The following LHFPL6 variants were observed in gnomAD, a reference collection of about 807,000 sequenced individuals.
The protein encoded by LHFPL6 is LHFPL tetraspan subfamily member 6.
A neutral mutation model predicts 20.6 loss-of-function variants in LHFPL6; 9 were observed. The ratio of observed to expected loss-of-function variants is 0.44; its 90% CI spans 0.26 to 0.76. The LOEUF (loss-of-function observed/expected upper bound fraction) is 0.76, where lower values mean the gene tolerates loss of function less well. Ranked by LOEUF, LHFPL6 falls within the 30% of genes least tolerant of loss-of-function variation. The pLI is 0.20. For synonymous variants in LHFPL6, 105 were observed against 98.7 expected (o/e 1.06, Z -0.38); for missense variants, 218 against 253.5 (o/e 0.86, Z 0.95).
chr13:39,595,068 G>A (rs1203995803), intron 2 of LHFPL6, among the ~76,000 whole-genome samples: 1 of 151,738 alleles, frequency 6.6e-6, no homozygotes, highest in African/African-American at 2.4e-5. Flanking sequence ...GTATACATAG[G>A]TAACAAACCT....
chr13:39,515,981 C>A (rs1174950402), intron 2 of LHFPL6, among the ~76,000 whole-genome samples: 1 of 152,142 alleles, frequency 6.6e-6, no homozygotes, highest in Non-Finnish European at 1.5e-5. Context: ...TCTCTTTATT[C>A]ATGGTACTCA....
At chr13:39,356,385 C>A (rs191032131) in intron 3 of LHFPL6, among the ~76,000 whole-genome samples, 2 of 152,130 alleles carry the variant, frequency 1.3e-5, no homozygotes, top group Non-Finnish European at 2.9e-5. Context: ...GTTGAGAGGA[C>A]ACTTTATAAC....
chr13:39,490,011 A>G (rs1054275383), intron 2 of LHFPL6, among the ~76,000 whole-genome samples: 1 of 152,208 alleles, frequency 6.6e-6, no homozygotes, highest in Non-Finnish European at 1.5e-5. Context: ...GCAAGCACCA[A>G]TTCAAATCAA....
intron 2 of LHFPL6, among the ~76,000 whole-genome samples, chr13:39,542,072 CAGAT>C (rs1011294551): frequency 4.1e-4 from 61 of 148,194 alleles, no homozygotes; most frequent in African/African-American, 1.5e-3. Context: ...GCCTGGGCAA[CAGAT>C]AGAGACTCTA....
At chr13:39,513,056 A>G (rs552193136) in intron 2 of LHFPL6, among the ~76,000 whole-genome samples, 4 of 152,314 alleles carry the variant, frequency 2.6e-5, no homozygotes, top group South Asian at 2.1e-4. Flanking sequence ...CCCAACTCCC[A>G]TTTCCTGTCC....
chr13:39,432,612 A>G (rs1403566196), intron 2 of LHFPL6, among the ~76,000 whole-genome samples: 1 of 152,068 alleles, frequency 6.6e-6, no homozygotes, highest in Non-Finnish European at 1.5e-5. Flanking sequence ...CCTCCATCCC[A>G]GGCAGTTCTT....
At chr13:39,535,471 C>T (rs1381376054) in intron 2 of LHFPL6, among the ~76,000 whole-genome samples, 2 of 152,100 alleles carry the variant, frequency 1.3e-5, no homozygotes, top group South Asian at 2.1e-4. Flanking sequence ...AGATTAATGG[C>T]TGGCATTGTA....
chr13:39,389,258 G>A (rs2138369065), intron 2 of LHFPL6, among the ~76,000 whole-genome samples: 1 of 152,290 alleles, frequency 6.6e-6, no homozygotes, highest in Admixed American at 6.5e-5. Context: ...GACTGGGTGG[G>A]GAACTAGTGG....
At chr13:39,599,305 T>C (rs74044113) in intron 2 of LHFPL6, among the ~76,000 whole-genome samples, 8,031 of 152,338 alleles carry the variant, frequency 0.053, 721 homozygotes, top group African/African-American at 0.18. Flanking sequence ...ACCAACTTTA[T>C]TCTTACAGAA....
At chr13:39,399,919 C>T (rs1247842396) in intron 2 of LHFPL6, among the ~76,000 whole-genome samples, 1 of 152,100 alleles carries the variant, frequency 6.6e-6, no homozygotes, top group East Asian at 1.9e-4. Flanking sequence ...TATGGAGAAA[C>T]CCCGTCTCTA....
At chr13:39,530,543 T>G (rs1870434083) in intron 2 of LHFPL6, among the ~76,000 whole-genome samples, 2 of 152,120 alleles carry the variant, frequency 1.3e-5, no homozygotes, top group South Asian at 4.1e-4. Flanking sequence ...GGCACCAGCC[T>G]CTTTATATTC....
chr13:39,367,004 G>C (rs1289344474), intron 3 of LHFPL6, among the ~76,000 whole-genome samples: 1 of 152,240 alleles, frequency 6.6e-6, no homozygotes, highest in African/African-American at 2.4e-5. Flanking sequence ...TAGAGTGTCT[G>C]TGCTGACAAG....
intron 2 of LHFPL6, among the ~76,000 whole-genome samples, chr13:39,595,170 T>C (rs991568655): frequency 1.3e-5 from 2 of 152,068 alleles, no homozygotes; most frequent in African/African-American, 2.4e-5. Context: ...TACAAACATA[T>C]AAAATTTTGT....
chr13:39,441,137 A>ATTTTT (rs57695621), intron 2 of LHFPL6, among the ~76,000 whole-genome samples: 25 of 91,458 alleles, frequency 2.7e-4, no homozygotes, highest in African/African-American at 8.1e-4. Context: ...ATGCCAACTA[A>ATTTTT]TTTTTTTTTT....
At chr13:39,356,568 C>T (rs1335682628) in intron 3 of LHFPL6, among the ~76,000 whole-genome samples, 2 of 152,136 alleles carry the variant, frequency 1.3e-5, no homozygotes, top group Non-Finnish European at 2.9e-5. Flanking sequence ...AAAGATCAAT[C>T]AAACCAAAAC....
At chr13:39,484,416 C>A (rs1481962723) in intron 2 of LHFPL6, among the ~76,000 whole-genome samples, 1 of 152,066 alleles carries the variant, frequency 6.6e-6, no homozygotes, top group South Asian at 2.1e-4. Context: ...AGAGGAAACC[C>A]TGGCTGAACA....
At chr13:39,444,674 T>C (rs1872238318) in intron 2 of LHFPL6, among the ~76,000 whole-genome samples, 1 of 152,148 alleles carries the variant, frequency 6.6e-6, no homozygotes, top group Non-Finnish European at 1.5e-5. Context: ...CTTGATAACA[T>C]CCATATGGTG....
At chr13:39,451,674 T>G (rs1467758612) in intron 2 of LHFPL6, among the ~76,000 whole-genome samples, 1 of 152,228 alleles carries the variant, frequency 6.6e-6, no homozygotes, top group Non-Finnish European at 1.5e-5. Context: ...ATTCCTTACA[T>G]GTCCTATCAG....
chr13:39,547,645 G>C (rs1871022744), intron 2 of LHFPL6, among the ~76,000 whole-genome samples: 1 of 152,070 alleles, frequency 6.6e-6, no homozygotes, highest in Admixed American at 6.5e-5. Flanking sequence ...AGGATTCTGT[G>C]CTGCATGCTG....
Sources: gnomAD v4.1 joint callset for allele counts (sites outside exome capture counted in the v4.1 genomes callset) on GRCh38, gnomAD v4.1.1 for gene constraint, MANE v1.5 for transcripts, NCBI Gene and HGNC (gene_info 2026-07-23, HGNC 2026-07-21) for gene names.